Variants in SV2C observed in about 807,000 individuals in gnomAD.
The protein encoded by SV2C is synaptic vesicle glycoprotein 2C, also known as solute carrier family 22 member B3.
Under a neutral mutation model 79.7 loss-of-function variants are expected in SV2C, and 49 were observed. The ratio of observed to expected loss-of-function variants is 0.61; its 90% CI spans 0.49 to 0.78. SV2C has a LOEUF of 0.78. SV2C is among the 30% of genes least tolerant of loss of function. SV2C has a pLI of 0.00. For synonymous variants in SV2C, 334 were observed against 333.2 expected (o/e 1.00, Z -0.03); for missense variants, 833 against 912.9 (o/e 0.91, Z 1.13).
At chr5:76,184,579 A>G (rs4235696) in intron 2 of SV2C, among the ~76,000 whole-genome samples, 120,838 of 152,210 alleles carry the variant, frequency 0.79, 48,552 homozygotes, top group East Asian at 0.91. Context: ...CAATCATGGC[A>G]AAAGGCACCT....
chr5:76,171,594 G>A (rs1347779749), intron 2 of SV2C, among the ~76,000 whole-genome samples: 14 of 144,632 alleles, frequency 9.7e-5, no homozygotes, highest in Middle Eastern at 3.8e-3. Context: ...CAGCCACCCC[G>A]TCCAGGAGAG....
chr5:75,932,979 C>T, the SV2C span, among the ~76,000 whole-genome samples: 3 of 152,148 alleles, frequency 2.0e-5, no homozygotes, highest in East Asian at 1.9e-4. Context: ...CTTCTGGCTC[C>T]ATCCTGTGTC....
chr5:76,123,496 G>A (rs938262224), intron 1 of SV2C, among the ~76,000 whole-genome samples: 12 of 152,054 alleles, frequency 7.9e-5, no homozygotes, highest in East Asian at 5.8e-4. Context: ...CTGGCAAACC[G>A]AATCCAGCAG....
At chr5:75,940,361 T>G in the SV2C span, among the ~76,000 whole-genome samples, 1 of 151,538 alleles carries the variant, frequency 6.6e-6, no homozygotes, top group African/African-American at 2.4e-5. Context: ...CACTTCAGCC[T>G]CGATGACAGA....
chr5:75,867,530 T>C, the SV2C span, among the ~76,000 whole-genome samples: 1 of 152,174 alleles, frequency 6.6e-6, no homozygotes, highest in Non-Finnish European at 1.5e-5. Context: ...AGCTATAGAA[T>C]TGTTTTGATT....
At chr5:76,023,236 T>C in the SV2C span, among the ~76,000 whole-genome samples, 1 of 152,140 alleles carries the variant, frequency 6.6e-6, no homozygotes. Flanking sequence ...TTCCCAGCTT[T>C]CAAGCTACTG....
chr5:75,959,258 C>T, the SV2C span, among the ~76,000 whole-genome samples: 1 of 151,840 alleles, frequency 6.6e-6, no homozygotes, highest in African/African-American at 2.4e-5. Flanking sequence ...GGCAGACTGT[C>T]CTAGGAGAAG....
chr5:75,930,725 A>G, the SV2C span, among the ~76,000 whole-genome samples: 1 of 152,248 alleles, frequency 6.6e-6, no homozygotes, highest in African/African-American at 2.4e-5. Context: ...GCTTTCAAAA[A>G]TTTGAAAATG....
At chr5:75,910,731 A>T in the SV2C span, 1 of 1,370,372 alleles carries the variant, frequency 7.3e-7, no homozygotes, top group South Asian at 1.2e-5. Flanking sequence ...ATGTTTGAAG[A>T]TCTGAACCAA....
intron 4 of SV2C, among the ~76,000 whole-genome samples, chr5:76,230,607 A>G (rs554773869): frequency 3.0e-4 from 44 of 145,688 alleles, no homozygotes; most frequent in African/African-American, 1.1e-3. Flanking sequence ...CCTGGCCAAC[A>G]TGGTGAAACC....
chr5:75,951,667 C>T, the SV2C span, among the ~76,000 whole-genome samples: 5 of 152,106 alleles, frequency 3.3e-5, no homozygotes, highest in Non-Finnish European at 5.9e-5. Flanking sequence ...AGAAGAAATT[C>T]GGGAAACAGA....
chr5:75,920,847 A>G, the SV2C span: 1 of 762,064 alleles, frequency 1.3e-6, no homozygotes, highest in Non-Finnish European at 2.4e-6. Context: ...CAGCTTGTCC[A>G]CAGGGTGAAT....
At chr5:76,083,620 C>G (rs1192662435) in intron 1 of SV2C, 108 bp downstream of exon 1, 2 of 152,360 alleles carry the variant, frequency 1.3e-5, no homozygotes, top group African/African-American at 4.8e-5. Flanking sequence ...GTTTTTGCAG[C>G]CTTTCGGAAG....
intron 4 of SV2C, among the ~76,000 whole-genome samples, chr5:76,262,925 G>C (rs1579999806): frequency 6.6e-6 from 1 of 152,268 alleles, no homozygotes; most frequent in Non-Finnish European, 1.5e-5. Flanking sequence ...GGGGTGGAGA[G>C]TTCTGTAGAT....
At chr5:76,255,677 G>A (rs1319673889) in intron 4 of SV2C, among the ~76,000 whole-genome samples, 1 of 152,168 alleles carries the variant, frequency 6.6e-6, no homozygotes, top group Non-Finnish European at 1.5e-5. Flanking sequence ...CCGTGCCTGT[G>A]AAAGCCAAGC....
the SV2C span, among the ~76,000 whole-genome samples, chr5:75,954,261 T>G: frequency 6.6e-6 from 1 of 151,934 alleles, no homozygotes; most frequent in Non-Finnish European, 1.5e-5. Flanking sequence ...CTTAAGTACT[T>G]TAATGTGTTG....
chr5:76,171,715 G>A (rs1235578695), intron 2 of SV2C, among the ~76,000 whole-genome samples: 19 of 140,686 alleles, frequency 1.4e-4, no homozygotes, highest in African/African-American at 4.2e-4. Context: ...GAGGTGGGGG[G>A]GTCAGCCCCC....
chr5:76,075,676 A>T, the SV2C span: 1 of 341,712 alleles, frequency 2.9e-6, no homozygotes, highest in Admixed American at 3.5e-5. Flanking sequence ...GAATTAACTG[A>T]CTAGATTAGT....
chr5:75,899,576 T>G, the SV2C span, among the ~76,000 whole-genome samples: 1 of 152,146 alleles, frequency 6.6e-6, no homozygotes, highest in Admixed American at 6.5e-5. Context: ...TAGATGTCTA[T>G]TAGGTCCGCT....
Sources: allele counts gnomAD v4.1 joint callset (sites outside exome capture counted in the v4.1 genomes callset), GRCh38; gene constraint gnomAD v4.1.1; transcripts MANE v1.5; gene names NCBI Gene and HGNC (gene_info 2026-07-23, HGNC 2026-07-21).